Variants in OOSP1 observed in about 807,000 individuals in gnomAD.
OOSP1 encodes the protein putative oocyte-secreted protein 1 homolog.
OOSP1 carries 11 observed loss-of-function variants against 5.7 expected under a neutral mutation model. The observed-to-expected ratio is 1.94, with a 90% confidence interval of 1.22 to 3.20. OOSP1 has a LOEUF of 3.20. OOSP1 is among the 30% of genes most tolerant of loss of function. The probability of loss-of-function intolerance (pLI) is 0.00; values close to 1 mark genes in which losing one functional copy is unlikely to be tolerated. For synonymous variants in OOSP1, 44 were observed against 20.0 expected, an observed-to-expected ratio of 2.20 and a Z score of -3.20; for missense variants, 83 against 54.1, an observed-to-expected ratio of 1.53 and a Z score of -1.67.
At chr11:59,945,777 A>T (rs1162641925) in intron 3 of OOSP1, among the ~76,000 whole-genome samples, 8 of 144,616 alleles carry the variant, frequency 5.5e-5, no homozygotes, top group Admixed American at 4.9e-4. Flanking sequence ...AAAAAAAAAA[A>T]TGTCAGAGAC....
intron 3 of OOSP1, among the ~76,000 whole-genome samples, chr11:59,946,740 G>A (rs1853887313): frequency 6.6e-6 from 1 of 151,902 alleles, no homozygotes; most frequent in South Asian, 2.1e-4. Flanking sequence ...AACTCATCAG[G>A]TTGTCAAGAT....
Position 59,954,629 on chromosome 11 carries a change from TTATCTATCTATC to T in OOSP1, c.487-2535_487-2524del, listed in dbSNP as rs55633618. Among the ~76,000 whole-genome samples, 144 of 148,348 alleles carry T rather than the reference TTATCTATCTATC, an allele frequency of 9.7e-4. 1 individual carries two copies. The highest frequency in any genetic ancestry group is 5.9e-3 in the South Asian group (27 of 4,598). On this transcript the variant is annotated intron_variant, in intron 4 of 4. Transcript: ENST00000646685. Reference sequence around the variant, plus strand: ...TCCACCAGAGAAAAGTGAAGGGACTTTATCTATCTATCTATCTATCTATCTATCTATCTATCT... The same window carrying T: ...TCCACCAGAGAAAAGTGAAGGGACTTTATCTATCTATCTATCTATCTATCT...
chr11:59,951,052 T>C (rs1853935044), intron 4 of OOSP1, among the ~76,000 whole-genome samples: 10 of 151,944 alleles, frequency 6.6e-5, no homozygotes, highest in Admixed American at 3.9e-4. Flanking sequence ...TTTATAATAA[T>C]CACTACAGCT....
chr11:59,947,367 C>T (rs1853895035), intron 3 of OOSP1, among the ~76,000 whole-genome samples: 1 of 152,072 alleles, frequency 6.6e-6, no homozygotes, highest in African/African-American at 2.4e-5. Flanking sequence ...AAGGAAGTCT[C>T]TCTCCTCAGT....
chr11:59,955,621 A>AT (rs111996738), intron 4 of OOSP1, among the ~76,000 whole-genome samples: 3,443 of 146,030 alleles, frequency 0.024, 108 homozygotes, highest in African/African-American at 0.076. Flanking sequence ...TAGATCATCT[A>AT]TTTTTTTTTT....
At chr11:59,956,579 T>A (rs1337940606) in intron 4 of OOSP1, among the ~76,000 whole-genome samples, 2 of 152,148 alleles carry the variant, frequency 1.3e-5, no homozygotes, top group African/African-American at 4.8e-5. Flanking sequence ...TTCCATTGGT[T>A]ATTGGGGTAC....
rs1239072798 is a variant in OOSP1 at position 59,948,863 on chromosome 11, G to T, written c.486+1001G>T. On this transcript the variant is annotated intron_variant, in intron 4 of 4. Coordinates refer to ENST00000646685, the Ensembl canonical transcript of OOSP1. ...GTGCTATTTTGTGAAAATCTGAGAAGCAGGAAGGGGATTTAATGCTCTCAA... is the reference window on the plus strand; with the variant it reads ...GTGCTATTTTGTGAAAATCTGAGAATCAGGAAGGGGATTTAATGCTCTCAA... 4 of 397,372 alleles carry T rather than the reference G, an allele frequency of 1.0e-5. No individual in the cohort carries two copies. The Admixed American group carries it at 1.8e-4, about 18-fold the overall frequency. The allele number at this position is 397,372 out of a possible 1,614,324, so 24.6% of individuals were successfully genotyped here. A position where few individuals can be genotyped will look rare whatever the true frequency, so the allele number is the denominator to read the frequency against.
At chr11:59,947,475 T>C (rs1181429837) in intron 3 of OOSP1, among the ~76,000 whole-genome samples, 1 of 152,116 alleles carries the variant, frequency 6.6e-6, no homozygotes, top group Non-Finnish European at 1.5e-5. Flanking sequence ...TTAAGTTACT[T>C]GGTCAACATC....
chr11:59,938,744 C>A (rs1414856481), intron 1 of OOSP1, among the ~76,000 whole-genome samples: 1 of 152,200 alleles, frequency 6.6e-6, no homozygotes, highest in Non-Finnish European at 1.5e-5. Flanking sequence ...CTGAGACTGT[C>A]TTTCTCCAAC....
chr11:59,945,663 A>G (rs746229218), intron 3 of OOSP1, among the ~76,000 whole-genome samples: 24 of 146,468 alleles, frequency 1.6e-4, no homozygotes, highest in Non-Finnish European at 3.1e-4. Flanking sequence ...AGGCAGCAGA[A>G]TGGCGTGAAC....
chr11:59,939,601 TCTTCCCTTTCTCTTCC>T (rs890302838), intron 1 of OOSP1, among the ~76,000 whole-genome samples: 1 of 151,058 alleles, frequency 6.6e-6, no homozygotes, highest in Non-Finnish European at 1.5e-5. Flanking sequence ...TTCTTTTTTT[TCTTCCCTTTCTCTTCC>T]TCTTCCCTTT....
intron 4 of OOSP1, among the ~76,000 whole-genome samples, chr11:59,954,629 TTATCTATC>T (rs55633618): frequency 0.018 from 2,599 of 148,330 alleles, 58 homozygotes; most frequent in African/African-American, 0.052. Context: ...TGAAGGGACT[TTATCTATC>T]TATCTATCTA....
intron 4 of OOSP1, chr11:59,948,770 C>T: frequency 2.5e-6 from 1 of 398,130 alleles, no homozygotes; most frequent in Non-Finnish European, 4.4e-6. Context: ...AGAAACTGTT[C>T]TGTCCCCTTT....
intron 2 of OOSP1, among the ~76,000 whole-genome samples, chr11:59,944,310 A>G (rs1300153490): frequency 1.6e-5 from 2 of 124,508 alleles, no homozygotes; most frequent in Non-Finnish European, 3.2e-5. Flanking sequence ...CAGGTCTAAT[A>G]CACCACAGCA....
intron 4 of OOSP1, among the ~76,000 whole-genome samples, chr11:59,948,513 A>T (rs1002955564): frequency 2.6e-5 from 4 of 152,202 alleles, no homozygotes; most frequent in Non-Finnish European, 1.5e-5. Flanking sequence ...TTGAATCATT[A>T]AACACTTAAG....
At chr11:59,952,978 T>C (rs1364539895) in intron 4 of OOSP1, among the ~76,000 whole-genome samples, 1 of 152,216 alleles carries the variant, frequency 6.6e-6, no homozygotes, top group African/African-American at 2.4e-5. Flanking sequence ...TTTTCCATTA[T>C]GTCTAATGAA....
intron 4 of OOSP1, among the ~76,000 whole-genome samples, chr11:59,949,437 G>A (rs935856990): frequency 4.0e-5 from 6 of 151,680 alleles, no homozygotes; most frequent in African/African-American, 1.2e-4. Context: ...AATGAGCCCC[G>A]CAGATCCTGG....
At position 59,942,756 on chromosome 11, in the gene OOSP1, C is replaced by G. The variant is rs1445023177; in HGVS notation, c.77-91C>G. On this transcript the variant is annotated intron_variant, in intron 1 of 4. Transcript: ENST00000646685. ...ACATTTTGTTTTAGTAAGGGATGAT[C>G]TCTTCATTTGTATTAACAGGGTATG... is the stretch of plus-strand genomic sequence containing the variant. 1.5e-5 allele frequency: 9 copies of G among 608,762 alleles called. No individual in the cohort carries two copies. The African/African-American group carries it at 1.7e-4, about 11-fold the overall frequency. The allele number at this position is 608,762 out of a possible 1,614,324, so 37.7% of individuals were successfully genotyped here.
At chr11:59,952,912 A>G (rs1230341077) in intron 4 of OOSP1, among the ~76,000 whole-genome samples, 1 of 152,252 alleles carries the variant, frequency 6.6e-6, no homozygotes, top group East Asian at 1.9e-4. Flanking sequence ...GCCCCCATTC[A>G]ATCGTTCCTT....
Sources: allele counts gnomAD v4.1 joint callset (sites outside exome capture counted in the v4.1 genomes callset), GRCh38; gene constraint gnomAD v4.1.1; transcripts MANE v1.5; gene names NCBI Gene and HGNC (gene_info 2026-07-23, HGNC 2026-07-21).